Variants in ZNF557 observed in about 807,000 individuals in gnomAD.
The protein encoded by ZNF557 is zinc finger protein 557.
In ZNF557, 19 loss-of-function variants were observed where a neutral mutation model predicts 21.2. That is an observed-to-expected ratio of 0.90 (90% CI 0.63 to 1.32). The LOEUF is 1.32. ZNF557 is among the 40% of genes most tolerant of loss of function. ZNF557 has a pLI of 0.00. For synonymous variants in ZNF557, 207 were observed against 194.8 expected (o/e 1.06, Z -0.52); for missense variants, 487 against 519.8 (o/e 0.94, Z 0.61).
intron 6 of ZNF557, 72 bp downstream of exon 6, chr19:7,081,527 T>C: frequency 3.0e-6 from 3 of 1,007,192 alleles, no homozygotes; most frequent in East Asian, 2.5e-5. Context: ...GGGAGTATTA[T>C]AATACATTAG....
chr19:7,076,721 C>T (rs1284896527), intron 5 of ZNF557, among the ~76,000 whole-genome samples: 1 of 152,138 alleles, frequency 6.6e-6, no homozygotes, highest in Non-Finnish European at 1.5e-5. Flanking sequence ...GCCCCATAGT[C>T]ATGAAATGGT....
rs1977869446 is a variant in ZNF557 at position 7,087,098 on chromosome 19, A to T, written c.*3354A>T. On this transcript the variant is annotated 3_prime_UTR_variant, in exon 8 of 8. Coordinates refer to ENST00000252840, the MANE Select transcript of ZNF557 (RefSeq NM_024341.3). ...GGCTTTATCCCACTCTGCTGGCTAA[A>T]AGAAGTAGGAATAACGCACTGGGTG... is the stretch of plus-strand genomic sequence containing the variant. The T allele has an allele frequency of 6.6e-6, 1 of 151,444 alleles. No individual in the cohort carries two copies. Among genetic ancestry groups the T allele is most frequent in the Non-Finnish European group, 1.5e-5 (1 of 67,956 alleles). 9.4% of individuals were successfully genotyped at this position (151,444 alleles called of 1,614,324 possible). A position where few individuals can be genotyped will look rare whatever the true frequency, so the allele number is the denominator to read the frequency against.
At chr19:7,077,507 C>T (rs1035444882) in intron 5 of ZNF557, among the ~76,000 whole-genome samples, 2 of 152,100 alleles carry the variant, frequency 1.3e-5, no homozygotes, top group African/African-American at 2.4e-5. Context: ...AATATTATTC[C>T]GTTATGTGTA....
intron 2 of ZNF557, among the ~76,000 whole-genome samples, chr19:7,074,358 A>ACACG (rs1977529365): frequency 1.3e-5 from 2 of 149,138 alleles, no homozygotes; most frequent in East Asian, 2.0e-4. Flanking sequence ...ACACACACAC[A>ACACG]GCCCTTCTTT....
chr19:7,080,914 C>A (rs1199009013), intron 5 of ZNF557, among the ~76,000 whole-genome samples: 1 of 152,162 alleles, frequency 6.6e-6, no homozygotes, highest in Non-Finnish European at 1.5e-5. Flanking sequence ...TTCATAAGCA[C>A]CTCTGTTCCT....
Position 7,083,046 on chromosome 19 carries a change from A to G in ZNF557, c.595A>G (p.Lys199Glu), listed in dbSNP as rs773544231. 6.2e-7 allele frequency: 1 copy of G among 1,614,120 alleles called. No individual in the cohort carries two copies. The highest frequency in any genetic ancestry group is 8.5e-7 in the Non-Finnish European group (1 of 1,179,978). The change falls in exon 8 of 8, where the codon AAG (lysine) becomes GAG (glutamate). Residue 199 changes from lysine (K) to glutamate (E), a missense_variant. Physicochemically the swap from Lys to Glu is moderately conservative, Grantham distance 56. Coordinates refer to ENST00000252840, the MANE Select transcript of ZNF557 (RefSeq NM_024341.3). ...YSSRSYLAVH[K>E]RIHNGEKPYE... ...CAGTAGATCTTACCTTGCTGTTCATAAGAGAATCCACAATGGGGAGAAACC... is the reference window on the plus strand; with the variant it reads ...CAGTAGATCTTACCTTGCTGTTCATGAGAGAATCCACAATGGGGAGAAACC...
At chr19:7,074,461 A>G (rs913404526) in intron 2 of ZNF557, among the ~76,000 whole-genome samples, 1 of 151,370 alleles carries the variant, frequency 6.6e-6, no homozygotes, top group Non-Finnish European at 1.5e-5. Context: ...TGATATCTAG[A>G]GATCTTCTCT....
chr19:7,083,716 A>G lies in ZNF557; in HGVS notation c.1265A>G (p.His422Arg), dbSNP rs1169601060. ...SFTSNSYLSV[H>R]TRMHNRQM The stretch of plus-strand genomic sequence containing the variant: ...ACAAGTAACTCCTACCTTTCTGTGC[A>G]TACGAGAATGCATAATAGGCAAATG... Residue 422 changes from histidine (H) to arginine (R), a missense_variant, in exon 8 of 8, where the codon CAT (histidine) becomes CGT (arginine). By Grantham distance (29) the His-to-Arg change is conservative. Coordinates refer to ENST00000252840, the MANE Select transcript of ZNF557 (RefSeq NM_024341.3). The G allele has an allele frequency of 3.7e-6, 6 of 1,610,138 alleles. No individual in the cohort carries two copies. Among genetic ancestry groups the G allele is most frequent in the African/African-American group, 1.3e-5 (1 of 74,712 alleles).
At chr19:7,081,764 C>T (rs1229519841) in intron 6 of ZNF557, among the ~76,000 whole-genome samples, 1 of 152,190 alleles carries the variant, frequency 6.6e-6, no homozygotes, top group African/African-American at 2.4e-5. Context: ...TTCCTTCATT[C>T]TGTCAACATC....
intron 7 of ZNF557, 138 bp from the exon 8 acceptor site, chr19:7,082,740 A>ACCAG (rs1977738793): frequency 1.4e-6 from 1 of 729,504 alleles, no homozygotes; most frequent in South Asian, 2.3e-5. Context: ...GAAGCCATGT[A>ACCAG]CCAGCACTCA....
In ZNF557 at chr19:7,087,701, A is replaced by AGAGTGT. The variant is rs987697585; in HGVS notation, c.*3958_*3959insAGTGTG. 2 of 148,264 alleles carry AGAGTGT rather than the reference A, an allele frequency of 1.3e-5. No individual in the cohort carries two copies. The highest frequency in any genetic ancestry group is 5.0e-5 in the African/African-American group (2 of 40,054). The allele number at this position is 148,264 out of a possible 1,614,324, so 9.2% of individuals were successfully genotyped here. ...TAAAACCAAAGAGAGAGAGAGAGAGAGTGTGTGTGTGTGTGTGTGTGTTTG... is the reference window on the plus strand; with the variant it reads ...TAAAACCAAAGAGAGAGAGAGAGAGAGAGTGTGTGTGTGTGTGTGTGTGTGTGTTTG... On this transcript the variant is annotated 3_prime_UTR_variant, in exon 8 of 8. Transcript: ENST00000252840.
intron 3 of ZNF557, 65 bp downstream of exon 3, chr19:7,075,170 G>A (rs1481545540): frequency 1.9e-6 from 3 of 1,609,946 alleles, no homozygotes; most frequent in African/African-American, 2.7e-5. Context: ...CACAGCATGG[G>A]ATGGGAGGGG....
At chr19:7,077,998 T>G (rs1568407940) in intron 5 of ZNF557, among the ~76,000 whole-genome samples, 1 of 152,192 alleles carries the variant, frequency 6.6e-6, no homozygotes, top group Non-Finnish European at 1.5e-5. Context: ...GGGGGCATTG[T>G]TTGCCTTTTC....
Position 7,083,284 on chromosome 19 carries a change from T to C in ZNF557, c.833T>C (p.Ile278Thr). 1 of 1,614,182 alleles carries C rather than the reference T, an allele frequency of 6.2e-7. No homozygotes were observed. The highest frequency in any genetic ancestry group is 8.5e-7 in the Non-Finnish European group (1 of 1,180,028). ...QCFREFRTQS[I>T]FTRHKRVHTG... ...TTTCGTGAGTTCCGCACTCAGTCAATCTTCACAAGGCACAAGAGAGTTCAT... is the reference window on the plus strand; with the variant it reads ...TTTCGTGAGTTCCGCACTCAGTCAACCTTCACAAGGCACAAGAGAGTTCAT... The change falls in exon 8 of 8, where the codon ATC (isoleucine) becomes ACC (threonine). Residue 278 changes from isoleucine to threonine, a missense_variant. Transcript: ENST00000252840.
chr19:7,075,829 G>T lies in ZNF557; in HGVS notation c.120+86G>T, dbSNP rs560908577. ...GCCTTTCAGTGGCCTGGAGCCCCAC[G>T]GCCAAACTTGTTCCTCAGGCATCCC... On this transcript the variant is annotated intron_variant, in intron 4 of 7. Coordinates refer to ENST00000252840, the MANE Select transcript of ZNF557 (RefSeq NM_024341.3). 3 of 1,552,828 alleles carry T rather than the reference G, an allele frequency of 1.9e-6. No individual in the cohort carries two copies. The South Asian group carries it at 3.5e-5, about 18-fold the overall frequency.
rs4031071 is a variant in ZNF557 at position 7,077,132 on chromosome 19, C to CTT, written c.247+645_247+646dup. Among the ~76,000 whole-genome samples, 108 of 78,352 alleles carry CTT rather than the reference C, an allele frequency of 1.4e-3. 13 individuals are homozygous for CTT. The highest frequency in any genetic ancestry group is 6.2e-3 in the Admixed American group (31 of 5,038). The allele number at this position is 78,352 out of a possible 152,430, so 51.4% of individuals were successfully genotyped here. ...TTTTGCTTAGCATAATGTTTTCTTT[C>CTT]TTTTTTTTTTTTTTTTTTTTTGAGA... On this transcript the variant is annotated intron_variant, in intron 5 of 7. Transcript: ENST00000252840.
At chr19:7,078,886 A>G (rs528903018) in intron 5 of ZNF557, among the ~76,000 whole-genome samples, 20 of 152,144 alleles carry the variant, frequency 1.3e-4, no homozygotes, top group African/African-American at 4.3e-4. Flanking sequence ...CAGATCAGGC[A>G]ATCTTAATTG....
rs1284888446 is a variant in ZNF557, at chr19:7,084,975, C to T, written c.*1231C>T. On this transcript the variant is annotated 3_prime_UTR_variant, in exon 8 of 8. Transcript: ENST00000252840. ...ACAACAGAGGAATATGTTGAGTATA[C>T]ACAGTGTTGAAAAGCCTGTGACACA... 6.6e-6 allele frequency: 1 copy of T among 152,080 alleles called. No homozygotes were observed. Among genetic ancestry groups the T allele is most frequent in the African/African-American group, 2.4e-5 (1 of 41,392 alleles). The allele number at this position is 152,080 out of a possible 1,614,324, so 9.4% of individuals were successfully genotyped here. A position where few individuals can be genotyped will look rare whatever the true frequency, so the allele number is the denominator to read the frequency against.
rs1446452232 is a variant in ZNF557 at position 7,084,874 on chromosome 19, G to A, written c.*1130G>A. On this transcript the variant is annotated 3_prime_UTR_variant, in exon 8 of 8. Transcript: ENST00000252840. ...GGAGTCACATGACAACTCACAATAA[G>A]GGGAAACCCTGTGTGTGGCATCAAA... 6.6e-6 allele frequency: 1 copy of A among 152,154 alleles called. No homozygotes were observed. Among genetic ancestry groups the A allele is most frequent in the Non-Finnish European group, 1.5e-5 (1 of 68,034 alleles). 9.4% of individuals were successfully genotyped at this position (152,154 alleles called of 1,614,324 possible). A position where few individuals can be genotyped will look rare whatever the true frequency, so the allele number is the denominator to read the frequency against.
Sources: allele counts gnomAD v4.1 joint callset (sites outside exome capture counted in the v4.1 genomes callset), GRCh38; gene constraint gnomAD v4.1.1; transcripts MANE v1.5; gene names NCBI Gene and HGNC (gene_info 2026-07-23, HGNC 2026-07-21).